ASGR1: variants seen among roughly 807,000 people sequenced by gnomAD.
The protein encoded by ASGR1 is C-type lectin domain family 4 member H1.
Under a neutral mutation model 33.1 loss-of-function variants are expected in ASGR1, and 35 were observed. The ratio of observed to expected loss-of-function variants is 1.06; its 90% CI spans 0.81 to 1.40. The LOEUF is 1.40. Among genes scored for constraint, ASGR1 ranks in the 40% most tolerant of loss-of-function variants. The pLI is 0.00. For synonymous variants in ASGR1, 142 were observed against 152.5 expected (o/e 0.93, Z 0.51); for missense variants, 396 against 373.7 (o/e 1.06, Z -0.49).
Position 7,173,499 on chromosome 17 carries a change from C to T in ASGR1, c.*160G>A, listed in dbSNP as rs1676458143. ...ATGATAACCTGCAAACTGCAGAAAG[C>T]GCCACGGGTTTCAAGCTCCTCACCT... On this transcript the variant is annotated 3_prime_UTR_variant, in exon 9 of 9. Transcript: ENST00000269299. This position sits in a 1 kb window ranked among gnomAD's most constrained non-coding sequence, Gnocchi z 4.7. 13 of 988,584 alleles carry T rather than the reference C, an allele frequency of 1.3e-5. No homozygotes were observed. In the South Asian group the frequency reaches 2.0e-4, roughly 15 times the overall value. 61.2% of individuals were successfully genotyped at this position (988,584 alleles called of 1,614,324 possible).
chr17:7,173,755 G>A lies in ASGR1; in HGVS notation c.780C>T (p.Asp260=), dbSNP rs761828049. 7.4e-6 allele frequency: 12 copies of A among 1,613,430 alleles called. No homozygotes were observed. Among genetic ancestry groups the A allele is most frequent in the Admixed American group, 1.7e-5 (1 of 60,012 alleles). ...GGGEDCAHFT[D]DGRWNDDVCQ... ...AGACGTCGTCGTTCCAGCGGCCGTC[G>A]TCGGTGAAGTGGGCACAGTCCTCGC... Residue 260 remains aspartate, a synonymous_variant, in exon 9 of 9, where the codon GAC becomes GAT. Coordinates refer to ENST00000269299, the MANE Select transcript of ASGR1 (RefSeq NM_001671.5). This position sits in a 1 kb window ranked among gnomAD's most constrained non-coding sequence, Gnocchi z 4.7.
intron 5 of ASGR1, among the ~76,000 whole-genome samples, chr17:7,175,683 G>A (rs990986742): frequency 3.5e-5 from 5 of 141,672 alleles, no homozygotes; most frequent in African/African-American, 7.9e-5. Context: ...ACTCACATTC[G>A]CACACACACC....
In ASGR1 at chr17:7,176,821, C is replaced by T; in HGVS notation, c.355+9G>A. The T allele has an allele frequency of 6.2e-7, 1 of 1,612,112 alleles. No individual in the cohort carries two copies. ...ACACACACACACACACACACACTCC[C>T]TCTCTGACCTTCACTCAGGTCCTTC... is the stretch of plus-strand genomic sequence containing the variant. On this transcript the variant is annotated intron_variant, in intron 5 of 8. Coordinates refer to ENST00000269299, the MANE Select transcript of ASGR1 (RefSeq NM_001671.5).
At chr17:7,176,707 C>G in intron 5 of ASGR1, 123 bp downstream of exon 5, 2 of 1,379,114 alleles carry the variant, frequency 1.5e-6, no homozygotes, top group African/African-American at 3.5e-5. Context: ...CACAGACTCA[C>G]ACACACACAC....
intron 5 of ASGR1, chr17:7,176,558 CA>C: frequency 1.8e-6 from 1 of 566,556 alleles, no homozygotes; most frequent in East Asian, 3.1e-5. Context: ...CTCACACACA[CA>C]CACCTCATTC....
At chr17:7,178,428 C>T (rs2069240807) in intron 2 of ASGR1, 66 bp downstream of exon 2, 2 of 1,486,354 alleles carry the variant, frequency 1.3e-6, no homozygotes, top group African/African-American at 2.8e-5. Context: ...AGAGTAGGAG[C>T]TGTGGCTGGG....
intron 2 of ASGR1, 69 bp downstream of exon 2, chr17:7,178,425 G>T: frequency 6.8e-7 from 1 of 1,470,750 alleles, no homozygotes. Context: ...GCAAGAGTAG[G>T]AGCTGTGGCT....
At chr17:7,176,746 A>G (rs1285944766) in intron 5 of ASGR1, 84 bp downstream of exon 5, 2 of 1,557,940 alleles carry the variant, frequency 1.3e-6, no homozygotes, top group African/African-American at 2.7e-5. Flanking sequence ...ACACATCCAC[A>G]CACACTCACA....
Position 7,174,072 on chromosome 17 carries a change from GGA to G in ASGR1, c.595-7_595-6del, listed in dbSNP as rs768195516. 9 of 1,614,116 alleles carry G rather than the reference GGA, an allele frequency of 5.6e-6. No homozygotes were observed. Among genetic ancestry groups the G allele is most frequent in the Non-Finnish European group, 7.6e-6 (9 of 1,180,016 alleles). Reference sequence around the variant, plus strand: ...TATGTGGTGCTGGACAAATTTCTGAGGAGAGAGAAGGCGGGTGGTGATCTCTC... The same window carrying G: ...TATGTGGTGCTGGACAAATTTCTGAGGAGAGAAGGCGGGTGGTGATCTCTC... On this transcript the variant is annotated splice_region_variant and splice_polypyrimidine_tract_variant and intron_variant, in intron 7 of 8. Transcript: ENST00000269299.
In ASGR1 at chr17:7,175,300, CACACA is replaced by C. The variant is rs1412530504; in HGVS notation, c.356-845_356-841del. Among the ~76,000 whole-genome samples the C allele has an allele frequency of 8.6e-5, 12 of 140,146 alleles. No homozygotes were observed. The South Asian group carries it at 2.6e-3, about 30-fold the overall frequency. 91.9% of individuals were successfully genotyped at this position (140,146 alleles called of 152,430 possible). ...CACACCCTAATCTACAGTCACTACACACACAACACACCTTCACCCACGACACACAC... is the reference window on the plus strand; with the variant it reads ...CACACCCTAATCTACAGTCACTACACACACACCTTCACCCACGACACACAC... On this transcript the variant is annotated intron_variant, in intron 5 of 8. Coordinates refer to ENST00000269299, the MANE Select transcript of ASGR1 (RefSeq NM_001671.5).
chr17:7,177,291 A>G lies in ASGR1; in HGVS notation c.106T>C (p.Cys36Arg), dbSNP rs764024866. The G allele has an allele frequency of 6.2e-7, 1 of 1,613,764 alleles. No homozygotes were observed. The highest frequency in any genetic ancestry group is 8.5e-7 in the Non-Finnish European group (1 of 1,179,884). ...AGCAGGAGGAGGCGAGGTCCGGAGCAGAGACGCTGCAGGAGGGGCTGGGGA... is the reference window on the plus strand; with the variant it reads ...AGCAGGAGGAGGCGAGGTCCGGAGCGGAGACGCTGCAGGAGGGGCTGGGGA... ...PPPQPLLQRL[C>R]SGPRLLLLSL... is the part of the protein sequence containing the mutation. Residue 36 changes from cysteine (C) to arginine (R), a missense_variant, in exon 3 of 9, where the codon TGC becomes CGC. Coordinates refer to ENST00000269299, the MANE Select transcript of ASGR1 (RefSeq NM_001671.5).
rs756722903 is a variant in ASGR1 at position 7,173,712 on chromosome 17, A to T, written c.823T>A (p.Trp275Arg). 19 of 1,613,802 alleles carry T rather than the reference A, an allele frequency of 1.2e-5. No homozygotes were observed. Among genetic ancestry groups the T allele is most frequent in the Non-Finnish European group, 1.5e-5 (18 of 1,180,036 alleles). The change falls in exon 9 of 9, where the codon TGG becomes AGG. Residue 275 changes from tryptophan (W) to arginine (R), a missense_variant. Coordinates refer to ENST00000269299, the MANE Select transcript of ASGR1 (RefSeq NM_001671.5). This position sits in a 1 kb window ranked among gnomAD's most constrained non-coding sequence, Gnocchi z 4.7. ...NDDVCQRPYRWVCETELDKAS... is the reference protein window; with the variant it reads ...NDDVCQRPYRRVCETELDKAS... ...TTGTCCAGCTCTGTCTCGCAGACCC[A>T]GCGGTAGGGCCTCTGGCAGACGTCG...
In ASGR1 at chr17:7,177,094, C is replaced by A; in HGVS notation, c.188-18G>T. The A allele has an allele frequency of 6.2e-7, 1 of 1,613,788 alleles. No homozygotes were observed. Among genetic ancestry groups the A allele is most frequent in the Non-Finnish European group, 8.5e-7 (1 of 1,179,980 alleles). On this transcript the variant is annotated intron_variant, in intron 3 of 8. Transcript: ENST00000269299. The stretch of plus-strand genomic sequence containing the variant: ...CTGGGAGTCTGGCCAGGACAGCGTG[C>A]AGAGAGAAGAAAACGGGATCGCTGT...
chr17:7,175,456 A>C (rs2069186221), intron 5 of ASGR1, among the ~76,000 whole-genome samples: 1 of 149,138 alleles, frequency 6.7e-6, no homozygotes, highest in African/African-American at 2.5e-5. Flanking sequence ...ACGCACACCC[A>C]CACATACAAC....
At chr17:7,175,905 ACACT>A (rs1280500055) in intron 5 of ASGR1, among the ~76,000 whole-genome samples, 15 of 146,152 alleles carry the variant, frequency 1.0e-4, no homozygotes, top group East Asian at 4.1e-4. Flanking sequence ...TCTCATTCTC[ACACT>A]CACAGACACA....
chr17:7,177,689 A>ACT, intron 2 of ASGR1: 1 of 230,946 alleles, frequency 4.3e-6, no homozygotes, highest in Admixed American at 5.0e-5. Flanking sequence ...GCTTCCCCTG[A>ACT]AAGTGGGGAA....
intron 2 of ASGR1, 197 bp from the exon 3 acceptor site, chr17:7,177,523 GGCTAAGC>G: frequency 1.8e-6 from 1 of 567,760 alleles, no homozygotes; most frequent in Non-Finnish European, 3.1e-6. Context: ...TGGGGAAGGG[GGCTAAGC>G]GCTGAGCCGC....
chr17:7,177,300 G>A lies in ASGR1; in HGVS notation c.97C>T (p.Gln33Ter). 6.2e-7 allele frequency: 1 copy of A among 1,613,778 alleles called. No individual in the cohort carries two copies. Among genetic ancestry groups the A allele is most frequent in the Non-Finnish European group, 8.5e-7 (1 of 1,179,874 alleles). ...AGGCGAGGTCCGGAGCAGAGACGCT[G>A]CAGGAGGGGCTGGGGAGGAGGTGGC... Reference protein sequence around the residue: ...KGPPPPQPLLQRLCSGPRLLL... With the variant: ...KGPPPPQPLL Residue 33 changes from glutamine (Q) to a stop codon, truncating the protein, a stop_gained, in exon 3 of 9, where the codon CAG (glutamine) becomes TAG (stop). Coordinates refer to ENST00000269299, the MANE Select transcript of ASGR1 (RefSeq NM_001671.5). LOFTEE classifies it high-confidence loss of function.
In ASGR1 at chr17:7,173,929, C is replaced by G. The variant is rs775593723; in HGVS notation, c.701+32G>C. 1 of 1,613,270 alleles carries G rather than the reference C, an allele frequency of 6.2e-7. No individual in the cohort carries two copies. Among genetic ancestry groups the G allele is most frequent in the Non-Finnish European group, 8.5e-7 (1 of 1,179,666 alleles). On this transcript the variant is annotated intron_variant, in intron 8 of 8. Coordinates refer to ENST00000269299, the MANE Select transcript of ASGR1 (RefSeq NM_001671.5). This position sits in a 1 kb window ranked among gnomAD's most constrained non-coding sequence, Gnocchi z 4.7. ...CAGGGCCCCAGGGCGCGAAGGCGGC[C>G]GGACCCAGGCCGAGGGAGGGCGCGC... is the stretch of plus-strand genomic sequence containing the variant.
Sources: gnomAD v4.1 joint callset for allele counts (sites outside exome capture counted in the v4.1 genomes callset) on GRCh38, gnomAD v4.1.1 for gene constraint, Gnocchi (gnomAD v3.1) non-coding constraint, MANE v1.5 for transcripts, NCBI Gene and HGNC (gene_info 2026-07-23, HGNC 2026-07-21) for gene names.